Variants in ZNF787 observed in about 807,000 individuals in gnomAD.
ZNF787 encodes the protein TTF-I-interacting peptide 20.
ZNF787 carries 7 observed loss-of-function variants against 16.9 expected under a neutral mutation model. The ratio of observed to expected loss-of-function variants is 0.42; its 90% CI spans 0.24 to 0.78. The LOEUF (loss-of-function observed/expected upper bound fraction) is 0.78. Ranked by LOEUF, ZNF787 falls within the 30% of genes least tolerant of loss-of-function variation. ZNF787 has a pLI of 0.30. For synonymous variants in ZNF787, 345 were observed against 270.9 expected, an observed-to-expected ratio of 1.27 and a Z score of -2.69; for missense variants, 551 against 589.3, an observed-to-expected ratio of 0.94 and a Z score of 0.67.
chr19:56,097,389 T>C (rs1448954079), intron 2 of ZNF787, among the ~76,000 whole-genome samples: 1 of 152,258 alleles, frequency 6.6e-6, no homozygotes, highest in African/African-American at 2.4e-5. Flanking sequence ...ACACTGGCTT[T>C]GTGGCTTTTC....
intron 2 of ZNF787, among the ~76,000 whole-genome samples, chr19:56,090,026 G>A (rs1036435209): frequency 6.6e-6 from 1 of 152,128 alleles, no homozygotes; most frequent in African/African-American, 2.4e-5. Context: ...TCTGACCCCC[G>A]TGGACACCCC....
At chr19:56,118,821 T>C (rs2123435339) in intron 1 of ZNF787, among the ~76,000 whole-genome samples, 1 of 152,198 alleles carries the variant, frequency 6.6e-6, no homozygotes, top group South Asian at 2.1e-4. Flanking sequence ...GAGCTGTGTA[T>C]GCCTAGTAAC....
chr19:56,101,982 A>T (rs1220417241), intron 2 of ZNF787: 1 of 152,198 alleles, frequency 6.6e-6, no homozygotes, highest in Non-Finnish European at 1.5e-5. Flanking sequence ...GGTCCTGGCA[A>T]CGCACTCAAA....
chr19:56,113,612 G>T (rs571872089), intron 1 of ZNF787, among the ~76,000 whole-genome samples: 1 of 152,210 alleles, frequency 6.6e-6, no homozygotes, highest in South Asian at 2.1e-4. Flanking sequence ...AGAACAGCAC[G>T]ATTCTATTTA....
chr19:56,102,780 CAT>C, intron 2 of ZNF787: 1 of 624,110 alleles, frequency 1.6e-6, no homozygotes, highest in Non-Finnish European at 2.9e-6. Flanking sequence ...CGCCTGGAAT[CAT>C]AGCAGAGGGT....
In ZNF787 at chr19:56,088,827, G is replaced by A. The variant is rs748270601; in HGVS notation, c.345C>T (p.Ile115=). 6.2e-7 allele frequency: 1 copy of A among 1,611,314 alleles called. No individual in the cohort carries two copies. Among genetic ancestry groups the A allele is most frequent in the Non-Finnish European group, 8.5e-7 (1 of 1,178,898 alleles). ...AGGCGTAGGGCTTCTCGCCCGTGTG[G>A]ATGCGCCGGTGCTGCACCAGGTGCG... ...QSSHLVQHRR[I]HTGEKPYACL... is the part of the protein sequence containing the mutation. The change falls in exon 3 of 3, where the codon ATC becomes ATT. Residue 115 remains isoleucine (I), a synonymous_variant. Transcript: ENST00000610935. This position sits in a 1 kb window ranked among gnomAD's most constrained non-coding sequence, Gnocchi z 8.6.
intron 1 of ZNF787, among the ~76,000 whole-genome samples, chr19:56,110,954 G>A (rs1021378703): frequency 3.9e-5 from 6 of 152,236 alleles, no homozygotes; most frequent in Non-Finnish European, 8.8e-5. Flanking sequence ...GGGTAGTGAG[G>A]CAGCCTATAG....
chr19:56,089,235 G>T (rs1599936877), intron 2 of ZNF787, 143 bp from the exon 3 acceptor site: 2 of 509,896 alleles, frequency 3.9e-6, no homozygotes, highest in Non-Finnish European at 6.6e-6. Context: ...ATCACTCCCT[G>T]CATTTTACTA....
intron 2 of ZNF787, chr19:56,102,440 GGGGA>G (rs1986136433): frequency 6.1e-6 from 1 of 163,806 alleles, no homozygotes; most frequent in South Asian, 1.9e-4. Flanking sequence ...CCTCCGTGGA[GGGGA>G]GGGAGGCCAT....
At chr19:56,098,981 G>A (rs1352137038) in intron 2 of ZNF787, among the ~76,000 whole-genome samples, 1 of 152,184 alleles carries the variant, frequency 6.6e-6, no homozygotes, top group African/African-American at 2.4e-5. Flanking sequence ...CTGAGGCACT[G>A]CCTCGGTGTG....
At chr19:56,103,349 A>T (rs1986179459) in intron 1 of ZNF787, 122 bp from the exon 2 acceptor site, 5 of 786,300 alleles carry the variant, frequency 6.4e-6, no homozygotes, top group Non-Finnish European at 9.8e-6. Flanking sequence ...CAGACAAGGC[A>T]CACAGCACCT....
intron 2 of ZNF787, among the ~76,000 whole-genome samples, chr19:56,091,271 A>G (rs1228353961): frequency 6.6e-6 from 1 of 152,224 alleles, no homozygotes; most frequent in African/African-American, 2.4e-5. Flanking sequence ...GCCTTTAATT[A>G]AAATAACTGC....
At chr19:56,118,574 A>C (rs756400890) in intron 1 of ZNF787, among the ~76,000 whole-genome samples, 14 of 152,194 alleles carry the variant, frequency 9.2e-5, no homozygotes, top group Non-Finnish European at 1.8e-4. Context: ...CCTAAAATGG[A>C]GGTGACCACC....
chr19:56,103,310 G>A, intron 1 of ZNF787, 83 bp from the exon 2 acceptor site: 1 of 1,268,026 alleles, frequency 7.9e-7, no homozygotes, highest in Non-Finnish European at 1.1e-6. Flanking sequence ...GCAGCCTGCA[G>A]ACCCCGGCGT....
chr19:56,115,762 G>A (rs940605738), intron 1 of ZNF787, among the ~76,000 whole-genome samples: 3 of 152,118 alleles, frequency 2.0e-5, no homozygotes, highest in African/African-American at 4.8e-5. Context: ...ACTACTTTCC[G>A]AGAGGGCGAG....
chr19:56,094,217 T>G lies in ZNF787; in HGVS notation c.80-5125A>C, dbSNP rs1032832322. 2.2e-5 allele frequency among the ~76,000 whole-genome samples: 3 copies of G among 135,682 alleles called. No individual in the cohort carries two copies. The East Asian group carries it at 7.1e-4, about 32-fold the overall frequency. 89.0% of individuals were successfully genotyped at this position (135,682 alleles called of 152,430 possible). ...TTTTTTTTTTTTTTTTCATTTTCAGTAGAGGCAAGGTTTCATGTTGGCCAG... is the reference window on the plus strand; with the variant it reads ...TTTTTTTTTTTTTTTTCATTTTCAGGAGAGGCAAGGTTTCATGTTGGCCAG... On this transcript the variant is annotated intron_variant, in intron 2 of 2. Coordinates refer to ENST00000610935, the MANE Select transcript of ZNF787 (RefSeq NM_001002836.4).
intron 1 of ZNF787, among the ~76,000 whole-genome samples, chr19:56,119,289 T>A (rs473953): frequency 6.6e-6 from 1 of 152,194 alleles, no homozygotes; most frequent in African/African-American, 2.4e-5. Context: ...CCTGGATGGA[T>A]TACATTTACT....
chr19:56,114,563 C>T (rs2030078426), intron 1 of ZNF787, among the ~76,000 whole-genome samples: 1 of 151,598 alleles, frequency 6.6e-6, no homozygotes, highest in Non-Finnish European at 1.5e-5. Context: ...AGTCCTCCAC[C>T]TGCCTGGCTC....
At chr19:56,102,644 G>A (rs1186093140) in intron 2 of ZNF787, 10 of 475,736 alleles carry the variant, frequency 2.1e-5, no homozygotes, top group African/African-American at 1.2e-4. Context: ...TGAAAAGTCT[G>A]CGTCAGCCTG....
Sources: gnomAD v4.1 joint callset for allele counts (sites outside exome capture counted in the v4.1 genomes callset) on GRCh38, gnomAD v4.1.1 for gene constraint, Gnocchi (gnomAD v3.1) non-coding constraint, MANE v1.5 for transcripts, NCBI Gene and HGNC (gene_info 2026-07-23, HGNC 2026-07-21) for gene names.